The following DNAAF9 variants were observed in gnomAD, a reference collection of about 807,000 sequenced individuals.
DNAAF9 encodes the protein shulin.
A neutral mutation model predicts 167.0 loss-of-function variants in DNAAF9; 90 were observed. That is an observed-to-expected ratio of 0.54 (90% CI 0.45 to 0.64). DNAAF9 has a LOEUF of 0.64. Among genes scored for constraint, DNAAF9 ranks in the 30% least tolerant of loss-of-function variants. The pLI, the probability that DNAAF9 is intolerant of heterozygous loss-of-function variation, is 0.00. For synonymous variants in DNAAF9, 491 were observed against 508.8 expected (o/e 0.96, Z 0.47); for missense variants, 1,315 against 1,442.2 (o/e 0.91, Z 1.43).
intron 1 of DNAAF9, among the ~76,000 whole-genome samples, chr20:3,392,144 G>T (rs2083835778): frequency 6.6e-6 from 1 of 152,156 alleles, no homozygotes; most frequent in Non-Finnish European, 1.5e-5. Flanking sequence ...TCAAGCCTGG[G>T]TGACAGAGTG....
At chr20:3,259,750 A>G (rs2068347491) in intron 32 of DNAAF9, among the ~76,000 whole-genome samples, 172 bp downstream of exon 32, 1 of 152,222 alleles carries the variant, frequency 6.6e-6, no homozygotes, top group East Asian at 1.9e-4. Flanking sequence ...CTTTCACTGG[A>G]GTGGAGACCA....
chr20:3,366,988 T>G (rs2083440520), intron 6 of DNAAF9, among the ~76,000 whole-genome samples: 1 of 151,940 alleles, frequency 6.6e-6, no homozygotes, highest in East Asian at 1.9e-4. Flanking sequence ...GATGGCATCG[T>G]CTTCTTATAC....
At chr20:3,310,470 A>G (rs2069394586) in intron 20 of DNAAF9, among the ~76,000 whole-genome samples, 1 of 152,126 alleles carries the variant, frequency 6.6e-6, no homozygotes, top group Non-Finnish European at 1.5e-5. Context: ...AGATGACCTG[A>G]GGTCAGGAGT....
chr20:3,348,651 G>A (rs777073498), intron 7 of DNAAF9, 28 bp from the exon 8 acceptor site: 1 of 1,428,424 alleles, frequency 7.0e-7, no homozygotes, highest in Non-Finnish European at 9.7e-7. Context: ...AAGATAACGT[G>A]TTTGGTCATA....
chr20:3,352,194 T>G (rs2070338384), intron 7 of DNAAF9, among the ~76,000 whole-genome samples: 1 of 152,220 alleles, frequency 6.6e-6, no homozygotes, highest in Admixed American at 6.5e-5. Context: ...CATAGTATTT[T>G]GTATATAGAA....
rs768904298 is a variant in DNAAF9, at chr20:3,294,161, G to C, written c.2216C>G (p.Thr739Ser). Reference protein sequence around the residue: ...VLLQQAEINTTHRIESDKVII... With the variant: ...VLLQQAEINTSHRIESDKVII... ...TACCTTGTCACTTTCTATTCTGTGA[G>C]TAGTGTTGATTTCAGCTTGCTGCAG... is the stretch of plus-strand genomic sequence containing the variant. Residue 739 changes from threonine (T) to serine (S), a missense_variant, in exon 25 of 37, where the codon ACT becomes AGT. Physicochemically the swap from Thr to Ser is moderately conservative, Grantham distance 58. This residue lies in a region of DNAAF9 where 981 missense variants were observed against 1,012.5 expected (regional missense o/e 0.97). Transcript: ENST00000252032. The C allele has an allele frequency of 1.3e-5, 21 of 1,596,112 alleles. No individual in the cohort carries two copies. The East Asian group carries it at 4.0e-4, about 31-fold the overall frequency.
At chr20:3,323,352 A>G (rs1362754062) in intron 14 of DNAAF9, among the ~76,000 whole-genome samples, 1 of 131,866 alleles carries the variant, frequency 7.6e-6, no homozygotes, top group Non-Finnish European at 1.5e-5. Context: ...CGCAATCTCG[A>G]CTCACTGCAA....
chr20:3,312,673 T>TA (rs899247586), intron 20 of DNAAF9, among the ~76,000 whole-genome samples: 2 of 152,204 alleles, frequency 1.3e-5, no homozygotes, highest in Non-Finnish European at 2.9e-5. Context: ...AGTCCCCTTC[T>TA]AAGGCTCTAA....
chr20:3,353,953 G>A (rs937856557), intron 7 of DNAAF9, among the ~76,000 whole-genome samples: 1 of 152,152 alleles, frequency 6.6e-6, no homozygotes, highest in African/African-American at 2.4e-5. Context: ...ATTAAGTGCT[G>A]CTTTTAGCTC....
At chr20:3,342,790 C>T (rs2070113133) in intron 9 of DNAAF9, among the ~76,000 whole-genome samples, 1 of 152,110 alleles carries the variant, frequency 6.6e-6, no homozygotes, top group South Asian at 2.1e-4. Context: ...GAAGAAATGT[C>T]CTCTCTATCC....
rs1468268617 is a variant in DNAAF9 at position 3,294,267 on chromosome 20, A to G, written c.2121-11T>C. The G allele has an allele frequency of 1.9e-6, 3 of 1,558,044 alleles. No individual in the cohort carries two copies. The highest frequency in any genetic ancestry group is 2.7e-6 in the Non-Finnish European group (3 of 1,129,194). On this transcript the variant is annotated splice_polypyrimidine_tract_variant and intron_variant, in intron 24 of 36. Coordinates refer to ENST00000252032, the MANE Select transcript of DNAAF9 (RefSeq NM_001009984.3). ...AAATGCTGGAGAAACCTAAAAACAC[A>G]AAGACAATGCTATTATGTTACCATC...
chr20:3,273,504 G>A (rs2068628601), intron 29 of DNAAF9, among the ~76,000 whole-genome samples: 1 of 152,156 alleles, frequency 6.6e-6, no homozygotes, highest in African/African-American at 2.4e-5. Context: ...GATCATGGTA[G>A]AAGGCCTGGG....
In DNAAF9 at chr20:3,389,991, A is replaced by G. The variant is rs2083803731; in HGVS notation, c.84-7485T>C. 2.6e-5 allele frequency among the ~76,000 whole-genome samples: 4 copies of G among 151,400 alleles called. No individual in the cohort carries two copies. In the South Asian group the frequency reaches 8.4e-4, roughly 32 times the overall value. Reference sequence around the variant, plus strand: ...GCAGAGGCTGCAGTGAGCCAAGATCACGCCACTGTACTCCAGCCTGGGCAA... The same window carrying G: ...GCAGAGGCTGCAGTGAGCCAAGATCGCGCCACTGTACTCCAGCCTGGGCAA... On this transcript the variant is annotated intron_variant, in intron 1 of 36. Coordinates refer to ENST00000252032, the MANE Select transcript of DNAAF9 (RefSeq NM_001009984.3).
In DNAAF9 at chr20:3,316,679, T is replaced by C. The variant is rs530030575; in HGVS notation, c.1539+44A>G. ...CTCTTCCTCAAGTGTTCACCCTGAT[T>C]TCTCCACACGTAGGTCCACTTCCAC... On this transcript the variant is annotated intron_variant, in intron 18 of 36. Coordinates refer to ENST00000252032, the MANE Select transcript of DNAAF9 (RefSeq NM_001009984.3). 3 of 1,421,462 alleles carry C rather than the reference T, an allele frequency of 2.1e-6. No homozygotes were observed. The East Asian group carries it at 6.8e-5, about 32-fold the overall frequency. The allele number at this position is 1,421,462 out of a possible 1,614,324, so 88.1% of individuals were successfully genotyped here. A position where few individuals can be genotyped will look rare whatever the true frequency, so the allele number is the denominator to read the frequency against.
intron 35 of DNAAF9, among the ~76,000 whole-genome samples, chr20:3,254,258 T>C (rs944645547): frequency 6.6e-6 from 1 of 152,092 alleles, no homozygotes; most frequent in Non-Finnish European, 1.5e-5. Flanking sequence ...TTTGTATTTT[T>C]AGTACAGACA....
At chr20:3,308,610 C>T (rs998858849) in intron 20 of DNAAF9, among the ~76,000 whole-genome samples, 5 of 151,866 alleles carry the variant, frequency 3.3e-5, no homozygotes, top group Non-Finnish European at 7.4e-5. Context: ...TTCCAAAGTG[C>T]TGGGATTACA....
At chr20:3,316,472 C>G (rs1457902282) in intron 18 of DNAAF9, among the ~76,000 whole-genome samples, 2 of 150,310 alleles carry the variant, frequency 1.3e-5, no homozygotes, top group African/African-American at 2.5e-5. Flanking sequence ...TAATTTCTTC[C>G]TTTCCTAATT....
intron 20 of DNAAF9, among the ~76,000 whole-genome samples, chr20:3,313,250 G>A (rs572723392): frequency 6.6e-6 from 1 of 152,248 alleles, no homozygotes; most frequent in African/African-American, 2.4e-5. Context: ...TTAACTCCTG[G>A]GTTCTCTGCA....
At chr20:3,362,072 C>T in intron 6 of DNAAF9, 1 of 1,416,342 alleles carries the variant, frequency 7.1e-7, no homozygotes, top group Non-Finnish European at 9.9e-7. Flanking sequence ...TTTTTTGTTA[C>T]AAATATTACA....
Sources: allele counts gnomAD v4.1 joint callset (sites outside exome capture counted in the v4.1 genomes callset), GRCh38; gene constraint gnomAD v4.1.1; regional missense constraint gnomAD v4.1.1; transcripts MANE v1.5; gene names NCBI Gene and HGNC (gene_info 2026-07-23, HGNC 2026-07-21).